MRTFA: variants seen among roughly 807,000 people sequenced by gnomAD.
MRTFA encodes the protein myocardin related transcription factor A.
MRTFA carries 20 observed loss-of-function variants against 83.5 expected under a neutral mutation model. The observed-to-expected ratio is 0.24, with a 90% CI of 0.17 to 0.35. The LOEUF is 0.35. Among genes scored for constraint, MRTFA ranks in the 10% least tolerant of loss-of-function variants. The pLI, the probability that MRTFA is intolerant of heterozygous loss-of-function variation, is 1.00. For missense variants in MRTFA, 1,200 were observed against 1,224.7 expected, an observed-to-expected ratio of 0.98 and a Z score of 0.30; for synonymous variants, 659 against 541.2, an observed-to-expected ratio of 1.22 and a Z score of -3.02.
chr22:40,528,298 C>T (rs2055014144), intron 3 of MRTFA, among the ~76,000 whole-genome samples: 1 of 152,106 alleles, frequency 6.6e-6, no homozygotes. Flanking sequence ...CCAAAGAAAA[C>T]CAAGATCTTT....
chr22:40,555,766 A>AGC (rs976977831), intron 2 of MRTFA, among the ~76,000 whole-genome samples: 4 of 151,412 alleles, frequency 2.6e-5, no homozygotes, highest in African/African-American at 9.7e-5. Flanking sequence ...CCTCCCGAGT[A>AGC]GCTGGGACTA....
chr22:40,588,026 C>A, intron 2 of MRTFA: 2 of 179,428 alleles, frequency 1.1e-5, no homozygotes, highest in African/African-American at 2.4e-5. Flanking sequence ...CACACTCCAA[C>A]ATTTTTTTTT....
At chr22:40,566,352 T>G (rs1008849318) in intron 2 of MRTFA, among the ~76,000 whole-genome samples, 2 of 151,948 alleles carry the variant, frequency 1.3e-5, no homozygotes, top group African/African-American at 4.8e-5. Context: ...CCTGAATAGC[T>G]GGGATTGCAG....
chr22:40,470,261 AT>A (rs2053882409), intron 3 of MRTFA, among the ~76,000 whole-genome samples: 1 of 116,642 alleles, frequency 8.6e-6, no homozygotes, highest in Non-Finnish European at 1.7e-5. Context: ...ATATATATAT[AT>A]ATATATATAT....
At chr22:40,576,849 G>A (rs2055874827) in intron 2 of MRTFA, among the ~76,000 whole-genome samples, 2 of 152,184 alleles carry the variant, frequency 1.3e-5, no homozygotes, top group Non-Finnish European at 2.9e-5. Context: ...GAAAGGCCAA[G>A]GCAGAATGAT....
At chr22:40,577,048 C>T (rs1017070211) in intron 2 of MRTFA, among the ~76,000 whole-genome samples, 4 of 151,872 alleles carry the variant, frequency 2.6e-5, no homozygotes, top group African/African-American at 7.3e-5. Context: ...CATGGGGAGA[C>T]CTCATCTCCA....
At chr22:40,613,492 T>A (rs1406017499) in intron 1 of MRTFA, among the ~76,000 whole-genome samples, 1 of 152,220 alleles carries the variant, frequency 6.6e-6, no homozygotes, top group East Asian at 1.9e-4. Context: ...TCACCAATTC[T>A]TGGAACTGTC....
intron 3 of MRTFA, among the ~76,000 whole-genome samples, chr22:40,546,007 G>T (rs185024468): frequency 6.6e-6 from 1 of 152,254 alleles, no homozygotes; most frequent in Non-Finnish European, 1.5e-5. Flanking sequence ...GATTACAGGC[G>T]TGAGCCGCCG....
At chr22:40,612,103 T>C (rs2056393733) in intron 1 of MRTFA, among the ~76,000 whole-genome samples, 1 of 152,210 alleles carries the variant, frequency 6.6e-6, no homozygotes, top group African/African-American at 2.4e-5. Flanking sequence ...ATAAGTCAAA[T>C]GTAAATTTCA....
intron 1 of MRTFA, among the ~76,000 whole-genome samples, chr22:40,636,058 C>A (rs906602511): frequency 6.6e-6 from 1 of 152,238 alleles, no homozygotes; most frequent in African/African-American, 2.4e-5. Flanking sequence ...TCCAGCTGAG[C>A]CTCCTTGCCT....
chr22:40,568,106 C>A (rs780830281), intron 2 of MRTFA, among the ~76,000 whole-genome samples: 2 of 152,132 alleles, frequency 1.3e-5, no homozygotes, highest in Non-Finnish European at 2.9e-5. Context: ...GTCAAGAGGT[C>A]AAGCCTAAAG....
Position 40,552,173 on chromosome 22 carries a change from G to A in MRTFA, c.174C>T (p.Pro58=), listed in dbSNP as rs1039578467. 26 of 398,872 alleles carry A rather than the reference G, an allele frequency of 6.5e-5. No homozygotes were observed. Among genetic ancestry groups the A allele is most frequent in the African/African-American group, 2.5e-4 (12 of 48,616 alleles). 24.7% of individuals were successfully genotyped at this position (398,872 alleles called of 1,614,324 possible). A position where few individuals can be genotyped will look rare whatever the true frequency, so the allele number is the denominator to read the frequency against. Reference sequence around the variant, plus strand: ...CAGGGTGGAGGCCTAGGGTCAGCTCGGGCTGCAAGGAGAGCTCCTGCAGTT... The same window carrying A: ...CAGGGTGGAGGCCTAGGGTCAGCTCAGGCTGCAAGGAGAGCTCCTGCAGTT... The change falls in exon 3 of 15, where the codon CCC becomes CCT. Residue 58 remains proline, a synonymous_variant. Transcript: ENST00000355630.
chr22:40,636,584 G>A lies in MRTFA; in HGVS notation c.-190C>T, dbSNP rs1398038917. 3 of 152,308 alleles carry A rather than the reference G, an allele frequency of 2.0e-5. No individual in the cohort carries two copies. The highest frequency in any genetic ancestry group is 2.0e-4 in the Admixed American group (3 of 15,296). 9.4% of individuals were successfully genotyped at this position (152,308 alleles called of 1,614,324 possible). ...GTCCAGCCCGGGCGCACGGAGCTGA[G>A]AAGTCGCCGCCAGCGGAGGGCGTGT... On this transcript the variant is annotated 5_prime_UTR_variant, in exon 1 of 15. Coordinates refer to ENST00000355630, the MANE Select transcript of MRTFA (RefSeq NM_020831.6).
intron 7 of MRTFA, among the ~76,000 whole-genome samples, chr22:40,428,495 G>A (rs2053000536): frequency 6.6e-6 from 1 of 152,178 alleles, no homozygotes; most frequent in African/African-American, 2.4e-5. Flanking sequence ...TGCACGTCCT[G>A]AACTGTGCTT....
At chr22:40,425,475 AGTG>A (rs2052934439) in intron 7 of MRTFA, among the ~76,000 whole-genome samples, 1 of 152,224 alleles carries the variant, frequency 6.6e-6, no homozygotes, top group South Asian at 2.1e-4. Flanking sequence ...TTGTCCTTGC[AGTG>A]GCTCTCCTAG....
intron 3 of MRTFA, among the ~76,000 whole-genome samples, chr22:40,497,493 G>T (rs540245289): frequency 1.3e-5 from 2 of 152,160 alleles, no homozygotes; most frequent in Admixed American, 6.5e-5. Flanking sequence ...GCTGGCTCAC[G>T]CCTGTAATCC....
At chr22:40,427,894 G>A (rs1035140332) in intron 7 of MRTFA, among the ~76,000 whole-genome samples, 7 of 152,228 alleles carry the variant, frequency 4.6e-5, no homozygotes, top group East Asian at 1.9e-4. Flanking sequence ...ATAGAGTGGG[G>A]GCTCTGAGAT....
At chr22:40,419,734 C>T (rs987419016) in intron 11 of MRTFA, among the ~76,000 whole-genome samples, 2 of 152,196 alleles carry the variant, frequency 1.3e-5, no homozygotes, top group Non-Finnish European at 2.9e-5. Flanking sequence ...AAACTGAGCT[C>T]ATGAAAGTAG....
intron 3 of MRTFA, among the ~76,000 whole-genome samples, chr22:40,470,609 G>T (rs1296113478): frequency 6.6e-6 from 1 of 151,776 alleles, no homozygotes; most frequent in Non-Finnish European, 1.5e-5. Flanking sequence ...ATTAAACCAT[G>T]GTAAGTAGAA....
Sources: gnomAD v4.1 joint callset for allele counts (sites outside exome capture counted in the v4.1 genomes callset) on GRCh38, gnomAD v4.1.1 for gene constraint, MANE v1.5 for transcripts, NCBI Gene and HGNC (gene_info 2026-07-23, HGNC 2026-07-21) for gene names.